GLRA3: variants seen among roughly 807,000 people sequenced by gnomAD.
GLRA3 encodes the protein glycine receptor subunit alpha-3.
A neutral mutation model predicts 60.4 loss-of-function variants in GLRA3; 44 were observed. The observed-to-expected ratio is 0.73, with a 90% CI of 0.57 to 0.94. The LOEUF (loss-of-function observed/expected upper bound fraction) is 0.94, where lower values mean the gene tolerates loss of function less well. Among genes scored for constraint, GLRA3 ranks in the 40% least tolerant of loss-of-function variants. GLRA3 has a pLI of 0.00. For missense variants in GLRA3, 508 were observed against 564.6 expected, an observed-to-expected ratio of 0.90 and a Z score of 1.02; for synonymous variants, 223 against 192.9, an observed-to-expected ratio of 1.16 and a Z score of -1.29.
Position 174,707,409 on chromosome 4 carries a change from T to C in GLRA3, c.574+8079A>G, listed in dbSNP as rs546558989. Reference sequence around the variant, plus strand: ...CATGGATGGGGGACATAGAACTTAGTTGTAGTACTCAGATGACTGTAGATG... The same window carrying C: ...CATGGATGGGGGACATAGAACTTAGCTGTAGTACTCAGATGACTGTAGATG... On this transcript the variant is annotated intron_variant, in intron 5 of 9. Transcript: ENST00000274093. 7.2e-5 allele frequency among the ~76,000 whole-genome samples: 11 copies of C among 152,314 alleles called. No homozygotes were observed. The South Asian group carries it at 1.2e-3, about 17-fold the overall frequency.
At chr4:174,654,872 C>G (rs1163584724) in intron 9 of GLRA3, among the ~76,000 whole-genome samples, 1 of 152,014 alleles carries the variant, frequency 6.6e-6, no homozygotes, top group Non-Finnish European at 1.5e-5. Flanking sequence ...CAGGCTGGGA[C>G]AGTGTGGGGT....
intron 7 of GLRA3, among the ~76,000 whole-genome samples, chr4:174,664,963 A>G (rs1733599772): frequency 6.6e-6 from 1 of 152,198 alleles, no homozygotes; most frequent in Non-Finnish European, 1.5e-5. Context: ...TACTCAAGTT[A>G]GAAAAACATA....
chr4:174,638,335 C>CAGTT lies in GLRA3; in HGVS notation c.*5447_*5450dup, dbSNP rs1732550043. The CAGTT allele has an allele frequency of 6.6e-6, 1 of 152,146 alleles. No individual in the cohort carries two copies. The highest frequency in any genetic ancestry group is 6.5e-5 in the Admixed American group (1 of 15,276). 9.4% of individuals were successfully genotyped at this position (152,146 alleles called of 1,614,324 possible). ...TGAGACAGAGTCTCACTCTGTCACCCAGTTTGGAGTGCAGTGGTGCGATCT... is the reference window on the plus strand; with the variant it reads ...TGAGACAGAGTCTCACTCTGTCACCCAGTTAGTTTGGAGTGCAGTGGTGCGATCT... On this transcript the variant is annotated 3_prime_UTR_variant, in exon 10 of 10. Coordinates refer to ENST00000274093, the MANE Select transcript of GLRA3 (RefSeq NM_006529.4).
rs1184276907 is a variant in GLRA3 at position 174,812,641 on chromosome 4, C to G, written c.71+16100G>C. ...AGGAATGGTGTCATTCAATTTCACTCTACTGAATATTACGCTATACCTCAA... is the reference window on the plus strand; with the variant it reads ...AGGAATGGTGTCATTCAATTTCACTGTACTGAATATTACGCTATACCTCAA... On this transcript the variant is annotated intron_variant, in intron 1 of 9. Coordinates refer to ENST00000274093, the MANE Select transcript of GLRA3 (RefSeq NM_006529.4). Among the ~76,000 whole-genome samples the G allele has an allele frequency of 2.6e-5, 4 of 152,080 alleles. No individual in the cohort carries two copies. The East Asian group carries it at 7.7e-4, about 29-fold the overall frequency.
chr4:174,683,111 G>A (rs1337409802), intron 5 of GLRA3, among the ~76,000 whole-genome samples, 172 bp from the exon 6 acceptor site: 3 of 152,130 alleles, frequency 2.0e-5, no homozygotes, highest in East Asian at 1.9e-4. Context: ...GTCTGTTGAA[G>A]TCTATTCACG....
intron 1 of GLRA3, among the ~76,000 whole-genome samples, chr4:174,822,593 T>C (rs1740783546): frequency 1.3e-5 from 2 of 152,188 alleles, no homozygotes; most frequent in Non-Finnish European, 2.9e-5. Flanking sequence ...GATTCTAAAA[T>C]TTAGGTAGGA....
At chr4:174,702,192 C>A (rs1017588721) in intron 5 of GLRA3, among the ~76,000 whole-genome samples, 2 of 152,162 alleles carry the variant, frequency 1.3e-5, no homozygotes, top group African/African-American at 4.8e-5. Flanking sequence ...CCTTCAGCAA[C>A]CAGCATCCCA....
intron 9 of GLRA3, among the ~76,000 whole-genome samples, chr4:174,652,179 G>A (rs1733044197): frequency 6.6e-6 from 1 of 151,970 alleles, no homozygotes; most frequent in South Asian, 2.1e-4. Flanking sequence ...CTGTGTTTAT[G>A]TATGCTTACG....
chr4:174,740,626 T>C (rs1736983120), intron 3 of GLRA3, among the ~76,000 whole-genome samples: 1 of 152,226 alleles, frequency 6.6e-6, no homozygotes, highest in Non-Finnish European at 1.5e-5. Context: ...GTTCCTGCTT[T>C]AATTTGTTTT....
chr4:174,711,199 AGGTTACTG>A (rs1420852635), intron 5 of GLRA3, among the ~76,000 whole-genome samples: 4 of 151,714 alleles, frequency 2.6e-5, no homozygotes. Flanking sequence ...GATTCATAAG[AGGTTACTG>A]AAACTTCCTT....
chr4:174,679,358 T>C (rs1734251503), intron 6 of GLRA3, among the ~76,000 whole-genome samples: 1 of 151,666 alleles, frequency 6.6e-6, no homozygotes, highest in Admixed American at 6.6e-5. Context: ...TAAGATATTA[T>C]CTCACCCCAA....
At chr4:174,749,900 T>C (rs966909754) in intron 3 of GLRA3, among the ~76,000 whole-genome samples, 3 of 151,922 alleles carry the variant, frequency 2.0e-5, no homozygotes, top group Non-Finnish European at 4.4e-5. Context: ...TGGGAAAGAG[T>C]AAAAGTTCAA....
chr4:174,682,624 T>C (rs775771953), intron 6 of GLRA3, among the ~76,000 whole-genome samples, 178 bp downstream of exon 6: 4 of 152,200 alleles, frequency 2.6e-5, no homozygotes, highest in Non-Finnish European at 5.9e-5. Context: ...TACAGACCAA[T>C]TATTTAACAA....
At chr4:174,756,793 C>T (rs1278428260) in intron 3 of GLRA3, among the ~76,000 whole-genome samples, 1 of 152,024 alleles carries the variant, frequency 6.6e-6, no homozygotes, top group Non-Finnish European at 1.5e-5. Flanking sequence ...TACAGGCACC[C>T]GTCACCTCCC....
chr4:174,765,471 ATT>A (rs1284088074), intron 3 of GLRA3, among the ~76,000 whole-genome samples: 2 of 152,054 alleles, frequency 1.3e-5, no homozygotes, highest in African/African-American at 4.8e-5. Flanking sequence ...AGAGAAGTAT[ATT>A]TCCAGGTTTT....
intron 1 of GLRA3, among the ~76,000 whole-genome samples, chr4:174,811,732 G>C (rs764638664): frequency 6.6e-6 from 1 of 152,190 alleles, no homozygotes; most frequent in South Asian, 2.1e-4. Flanking sequence ...TTGCTTTGCT[G>C]TAATTTCTAT....
At chr4:174,755,817 G>A (rs1014142511) in intron 3 of GLRA3, among the ~76,000 whole-genome samples, 2 of 151,962 alleles carry the variant, frequency 1.3e-5, no homozygotes, top group African/African-American at 4.8e-5. Flanking sequence ...ATTATTCATA[G>A]AAGATAAACA....
chr4:174,730,820 C>A (rs1325397897), intron 3 of GLRA3, among the ~76,000 whole-genome samples: 1 of 152,136 alleles, frequency 6.6e-6, no homozygotes, highest in Non-Finnish European at 1.5e-5. Context: ...ATATCTCTAT[C>A]TCTTAATACA....
chr4:174,768,487 T>C (rs895906746), intron 2 of GLRA3, among the ~76,000 whole-genome samples: 5 of 152,160 alleles, frequency 3.3e-5, no homozygotes, highest in African/African-American at 1.2e-4. Flanking sequence ...ATTTTTATTT[T>C]TATAAGGCCC....
Sources: gnomAD v4.1 joint callset for allele counts (sites outside exome capture counted in the v4.1 genomes callset) on GRCh38, gnomAD v4.1.1 for gene constraint, MANE v1.5 for transcripts, NCBI Gene and HGNC (gene_info 2026-07-23, HGNC 2026-07-21) for gene names.